Variants in MYH15 observed in about 807,000 individuals in gnomAD.
MYH15 encodes myosin-15.
In MYH15, 227 loss-of-function variants were observed where a neutral mutation model predicts 240.5. The ratio of observed to expected loss-of-function variants is 0.94; its 90% CI spans 0.85 to 1.05. The LOEUF is 1.05. MYH15 is among the 50% of genes least tolerant of loss of function. MYH15 has a pLI of 0.00. For missense variants in MYH15, 2,217 were observed against 2,247.5 expected (o/e 0.99, Z 0.27); for synonymous variants, 785 against 796.7 (o/e 0.99, Z 0.25).
the MYH15 span, among the ~76,000 whole-genome samples, chr3:108,545,694 T>TACACAC: frequency 5.5e-3 from 827 of 149,152 alleles, 2 homozygotes; most frequent in African/African-American, 0.019. Context: ...AATATACACA[T>TACACAC]ACACACACAC....
intron 9 of MYH15, among the ~76,000 whole-genome samples, chr3:108,491,576 T>C (rs1369273187): frequency 6.6e-6 from 1 of 152,080 alleles, no homozygotes; most frequent in Admixed American, 6.6e-5. Context: ...CACTGTCTTG[T>C]CATCTCATAC....
chr3:108,523,496 A>G (rs2083639325), intron 1 of MYH15, among the ~76,000 whole-genome samples: 2 of 152,014 alleles, frequency 1.3e-5, no homozygotes, highest in Admixed American at 1.3e-4. Context: ...TTTTGTATAC[A>G]TACATATATA....
chr3:108,542,314 T>A, the MYH15 span, among the ~76,000 whole-genome samples: 4 of 152,196 alleles, frequency 2.6e-5, no homozygotes, highest in African/African-American at 9.6e-5. Context: ...TATATGAATT[T>A]TGACAAAATG....
the MYH15 span, among the ~76,000 whole-genome samples, chr3:108,540,701 T>C: frequency 6.6e-6 from 1 of 152,190 alleles, no homozygotes; most frequent in Admixed American, 6.5e-5. Flanking sequence ...GTGAGCATTG[T>C]GCTTAATGGG....
chr3:108,515,529 A>C (rs1179530910), upstream of MYH15, among the ~76,000 whole-genome samples: 1 of 152,134 alleles, frequency 6.6e-6, no homozygotes, highest in Non-Finnish European at 1.5e-5. Context: ...TTCTTTCCCA[A>C]CTTTAAATAA....
chr3:108,469,644 CA>C, intron 14 of MYH15, among the ~76,000 whole-genome samples: 1 of 152,326 alleles, frequency 6.6e-6, no homozygotes, highest in Non-Finnish European at 1.5e-5. Context: ...GCTAATTTGC[CA>C]AATTTTGTTA....
upstream of MYH15, among the ~76,000 whole-genome samples, chr3:108,514,042 C>G (rs143449904): frequency 6.6e-6 from 1 of 152,138 alleles, no homozygotes; most frequent in Non-Finnish European, 1.5e-5. Flanking sequence ...GAATGGGAAG[C>G]CCTTACTGGG....
chr3:108,481,762 T>C (rs1233464034), intron 11 of MYH15, among the ~76,000 whole-genome samples: 1 of 152,188 alleles, frequency 6.6e-6, no homozygotes, highest in African/African-American at 2.4e-5. Flanking sequence ...CAGAGAAGTA[T>C]TGGTTGGTGC....
chr3:108,528,359 G>C (rs182472828), intron 1 of MYH15, among the ~76,000 whole-genome samples: 1 of 152,248 alleles, frequency 6.6e-6, no homozygotes, highest in Admixed American at 6.5e-5. Context: ...CATATCATTG[G>C]AAGACTAATA....
chr3:108,386,884 T>C (rs1283426742), intron 38 of MYH15, among the ~76,000 whole-genome samples: 1 of 152,068 alleles, frequency 6.6e-6, no homozygotes, highest in Non-Finnish European at 1.5e-5. Context: ...CAGTTGATGG[T>C]AGAACCGAGT....
chr3:108,448,848 G>A (rs2082949942), intron 21 of MYH15, among the ~76,000 whole-genome samples: 1 of 151,442 alleles, frequency 6.6e-6, no homozygotes, highest in Non-Finnish European at 1.5e-5. Context: ...AGAAGTTAAA[G>A]TATCTCATGT....
At position 108,430,866 on chromosome 3, in the gene MYH15, AC is replaced by A; in HGVS notation, c.3277del (p.Val1093Ter). 1 of 1,612,600 alleles carries A rather than the reference AC, an allele frequency of 6.2e-7. No homozygotes were observed. On this transcript the variant is annotated frameshift_variant, in exon 26 of 41. Transcript: ENST00000693548. LOFTEE classifies it high-confidence loss of function. Reference protein sequence around the residue: ...NSKVENEKGLVAQLQKTVKEL... With the variant: ...NSKVENEKGLXAQLQKTVKEL... ...TTTAACCGTCTTCTGAAGCTGAGCTACCAGGCCTTTCTCATTCTCCACTTTT... is the reference window on the plus strand; with the variant it reads ...TTTAACCGTCTTCTGAAGCTGAGCTACAGGCCTTTCTCATTCTCCACTTTT...
chr3:108,422,980 G>A (rs1451227243), intron 27 of MYH15, among the ~76,000 whole-genome samples: 1 of 152,134 alleles, frequency 6.6e-6, no homozygotes, highest in African/African-American at 2.4e-5. Flanking sequence ...CCTTAGTTCA[G>A]CTAAAGATGG....
Position 108,454,571 on chromosome 3 carries a change from T to C in MYH15, c.2263-429A>G, listed in dbSNP as rs188371520. Among the ~76,000 whole-genome samples, 15 of 152,304 alleles carry C rather than the reference T, an allele frequency of 9.8e-5. No individual in the cohort carries two copies. In the East Asian group the frequency reaches 2.9e-3, roughly 29 times the overall value. ...CAATCTCTGTAGGATATTCTTGTTT[T>C]TTTAAACAATTCGTGAACCATCTAA... On this transcript the variant is annotated intron_variant, in intron 20 of 40. Transcript: ENST00000693548.
intron 6 of MYH15, among the ~76,000 whole-genome samples, chr3:108,497,394 C>G (rs2083399592): frequency 6.6e-6 from 1 of 151,924 alleles, no homozygotes; most frequent in Non-Finnish European, 1.5e-5. Context: ...AGCTCAATAA[C>G]TCATTGATTT....
At chr3:108,388,883 T>G (rs1576202204) in intron 38 of MYH15, 87 bp downstream of exon 38, 3 of 1,084,302 alleles carry the variant, frequency 2.8e-6, no homozygotes, top group Non-Finnish European at 4.1e-6. Flanking sequence ...ACGGCAGGAG[T>G]CCCAGAAGGC....
rs747085041 is a variant in MYH15 at position 108,492,603 on chromosome 3, A to T, written c.776-8T>A. 6.2e-7 allele frequency: 1 copy of T among 1,602,412 alleles called. No homozygotes were observed. Among genetic ancestry groups the T allele is most frequent in the South Asian group, 1.1e-5 (1 of 90,670 alleles). On this transcript the variant is annotated splice_region_variant and splice_polypyrimidine_tract_variant and intron_variant, in intron 8 of 40. Coordinates refer to ENST00000693548, the MANE Select transcript of MYH15 (RefSeq NM_014981.3). ...TGGACTTTTCAAGCAAATCTGGATG[A>T]TGAGAAATGAATAAAAATTCATACT...
intron 24 of MYH15, among the ~76,000 whole-genome samples, chr3:108,439,403 C>G (rs2082867292): frequency 6.6e-6 from 1 of 152,156 alleles, no homozygotes; most frequent in South Asian, 2.1e-4. Flanking sequence ...ACCAGCATAT[C>G]TGTGGGGCAA....
At position 108,460,351 on chromosome 3, in the gene MYH15, C is replaced by T; in HGVS notation, c.1881G>A (p.Glu627=). ...ATGAAGCTCCTTTCTTTCGTTTCTT[C>T]TCCCCAAATGGTATAGCTAGCAAAA... ...MSTDSAIPFG[E]KKRKKGASFQ... is the part of the protein sequence containing the mutation. Residue 627 remains glutamate (E), a synonymous_variant, in exon 17 of 41, where the codon GAG becomes GAA. Transcript: ENST00000693548. 3 of 1,597,024 alleles carry T rather than the reference C, an allele frequency of 1.9e-6. No individual in the cohort carries two copies. Among genetic ancestry groups the T allele is most frequent in the South Asian group, 2.3e-5 (2 of 87,962 alleles).
Sources: gnomAD v4.1 joint callset for allele counts (sites outside exome capture counted in the v4.1 genomes callset) on GRCh38, gnomAD v4.1.1 for gene constraint, MANE v1.5 for transcripts, NCBI Gene and HGNC (gene_info 2026-07-23, HGNC 2026-07-21) for gene names.